The following ELOC variants were observed in gnomAD, a reference collection of about 807,000 sequenced individuals.
The protein encoded by ELOC is elongin-C.
For synonymous variants in ELOC, 40 were observed against 51.3 expected (o/e 0.78, Z 0.94); for missense variants, 38 against 139.0 (o/e 0.27, Z 3.65).
chr8:73,951,847 T>A (rs1813791265), intron 3 of ELOC, among the ~76,000 whole-genome samples: 3 of 152,194 alleles, frequency 2.0e-5, no homozygotes, highest in Middle Eastern at 3.4e-3. Flanking sequence ...GACATATAGA[T>A]CAATGGAATA....
intron 3 of ELOC, among the ~76,000 whole-genome samples, chr8:73,947,461 C>T (rs1189018320): frequency 6.6e-6 from 1 of 152,148 alleles, no homozygotes; most frequent in East Asian, 1.9e-4. Context: ...GTTGTTCAAG[C>T]CATCTAGGGG....
intron 1 of ELOC, among the ~76,000 whole-genome samples, chr8:73,965,675 AT>A (rs1257077975): frequency 1.3e-5 from 2 of 152,228 alleles, no homozygotes; most frequent in African/African-American, 4.8e-5. Context: ...TACAATTAGC[AT>A]TTCACTGTAT....
At chr8:73,948,281 C>T (rs1813516163) in intron 3 of ELOC, among the ~76,000 whole-genome samples, 1 of 151,606 alleles carries the variant, frequency 6.6e-6, no homozygotes, top group Non-Finnish European at 1.5e-5. Flanking sequence ...ACTTAAGTAG[C>T]TTTTCCTAAC....
chr8:73,965,386 G>C (rs1013786455), intron 1 of ELOC, among the ~76,000 whole-genome samples: 14 of 89,926 alleles, frequency 1.6e-4, no homozygotes, highest in Non-Finnish European at 2.9e-4. Context: ...CTGATGGGGA[G>C]TCCATCATAA....
intron 2 of ELOC, among the ~76,000 whole-genome samples, chr8:73,956,989 G>A (rs1814234773): frequency 6.6e-6 from 1 of 151,778 alleles, no homozygotes; most frequent in Admixed American, 6.6e-5. Flanking sequence ...GGCTAACACG[G>A]TGAAACCCCG....
chr8:73,950,183 C>A (rs192682092), intron 3 of ELOC, among the ~76,000 whole-genome samples: 380 of 152,278 alleles, frequency 2.5e-3, no homozygotes, highest in African/African-American at 8.7e-3. Context: ...TATAACTATT[C>A]AAGACTAACG....
intron 2 of ELOC, among the ~76,000 whole-genome samples, chr8:73,957,162 G>C (rs1444414657): frequency 7.1e-6 from 1 of 140,804 alleles, no homozygotes; most frequent in Non-Finnish European, 1.5e-5. Context: ...AACAGAGAAA[G>C]ACCCTGTCTC....
intron 1 of ELOC, among the ~76,000 whole-genome samples, chr8:73,962,949 A>G (rs111844851): frequency 9.2e-5 from 14 of 152,336 alleles, no homozygotes; most frequent in African/African-American, 2.6e-4. Flanking sequence ...CTAAAGAAAT[A>G]TAAGTTTGAG....
chr8:73,959,081 A>G (rs1814409596), intron 2 of ELOC, among the ~76,000 whole-genome samples: 1 of 152,222 alleles, frequency 6.6e-6, no homozygotes, highest in Non-Finnish European at 1.5e-5. Flanking sequence ...TTAAAAAGGT[A>G]TACCTGTATA....
intron 1 of ELOC, among the ~76,000 whole-genome samples, chr8:73,968,415 CTGCAAACGACCTAA>C (rs1815136949): frequency 6.6e-6 from 1 of 152,214 alleles, no homozygotes; most frequent in Non-Finnish European, 1.5e-5. Context: ...TGCCTCACCC[CTGCAAACGACCTAA>C]TTATTCTCTC....
intron 1 of ELOC, among the ~76,000 whole-genome samples, chr8:73,970,867 A>AC (rs199988208): frequency 0.023 from 3,172 of 139,440 alleles, 60 homozygotes; most frequent in Middle Eastern, 0.075. Context: ...AACAAAACAA[A>AC]ACAAAAAAAA....
intron 2 of ELOC, among the ~76,000 whole-genome samples, chr8:73,958,429 A>G (rs188753520): frequency 4.5e-4 from 68 of 152,278 alleles, no homozygotes; most frequent in Admixed American, 1.1e-3. Flanking sequence ...AGTTTTGCCA[A>G]CTCTACAATA....
intron 1 of ELOC, among the ~76,000 whole-genome samples, chr8:73,961,998 C>T (rs754136878): frequency 4.6e-5 from 7 of 151,904 alleles, no homozygotes; most frequent in Admixed American, 2.0e-4. Flanking sequence ...CAGGTTCAAA[C>T]GATTCTTGTG....
intron 1 of ELOC, among the ~76,000 whole-genome samples, chr8:73,963,509 T>A (rs1814747337): frequency 6.6e-6 from 1 of 152,238 alleles, no homozygotes; most frequent in Admixed American, 6.5e-5. Flanking sequence ...ATGTCCTAAG[T>A]TGATTTTGCA....
intron 1 of ELOC, among the ~76,000 whole-genome samples, chr8:73,963,395 G>T (rs1302149886): frequency 6.6e-6 from 1 of 152,094 alleles, no homozygotes; most frequent in Non-Finnish European, 1.5e-5. Context: ...CATGTTTCTT[G>T]TTAGGTCTAC....
At chr8:73,963,649 G>A (rs1228131246) in intron 1 of ELOC, among the ~76,000 whole-genome samples, 1 of 151,916 alleles carries the variant, frequency 6.6e-6, no homozygotes, top group Non-Finnish European at 1.5e-5. Flanking sequence ...TTTTTACATT[G>A]GCTATTTACT....
At chr8:73,968,546 G>A (rs1276066392) in intron 1 of ELOC, among the ~76,000 whole-genome samples, 2 of 152,128 alleles carry the variant, frequency 1.3e-5, no homozygotes, top group South Asian at 2.1e-4. Context: ...AGAACCTTTC[G>A]AAAGATAGGC....
intron 1 of ELOC, among the ~76,000 whole-genome samples, chr8:73,960,516 T>C (rs955636517): frequency 9.9e-5 from 15 of 152,042 alleles, no homozygotes; most frequent in African/African-American, 3.1e-4. Context: ...TGACCTCCAG[T>C]TGGAGGGGTG....
intron 1 of ELOC, among the ~76,000 whole-genome samples, 165 bp from the exon 2 acceptor site, chr8:73,959,983 T>G (rs1047264257): frequency 6.6e-6 from 1 of 152,234 alleles, no homozygotes; most frequent in African/African-American, 2.4e-5. Context: ...ATAAAATCAA[T>G]TGAAGAATAC....
Sources: allele counts gnomAD v4.1 joint callset (sites outside exome capture counted in the v4.1 genomes callset), GRCh38; gene constraint gnomAD v4.1.1; transcripts MANE v1.5; gene names NCBI Gene and HGNC (gene_info 2026-07-23, HGNC 2026-07-21).